NPHP1: variants seen among roughly 807,000 people sequenced by gnomAD.
The protein encoded by NPHP1 is nephrocystin-1.
A neutral mutation model predicts 90.4 loss-of-function variants in NPHP1; 70 were observed. The observed-to-expected ratio is 0.77, with a 90% CI of 0.64 to 0.95. NPHP1 has a LOEUF of 0.95. Among genes scored for constraint, NPHP1 ranks in the 40% least tolerant of loss-of-function variants. NPHP1 has a pLI of 0.00. For synonymous variants in NPHP1, 256 were observed against 271.7 expected (o/e 0.94, Z 0.57); for missense variants, 764 against 795.9 (o/e 0.96, Z 0.48).
intron 16 of NPHP1, among the ~76,000 whole-genome samples, chr2:110,137,968 A>G (rs538196350): frequency 6.6e-6 from 1 of 151,542 alleles, no homozygotes; most frequent in African/African-American, 2.4e-5. Flanking sequence ...AATGTGGCAC[A>G]TATACACCAT....
At position 110,190,365 on chromosome 2, in the gene NPHP1, G is replaced by A. The variant is rs376818694; in HGVS notation, c.144-10681C>T. Among the ~76,000 whole-genome samples the A allele has an allele frequency of 8.5e-4, 129 of 152,292 alleles. 1 individual carries two copies. In the East Asian group the frequency reaches 0.015, roughly 18 times the overall value. On this transcript the variant is annotated intron_variant, in intron 2 of 19. Transcript: ENST00000445609. ...TCAGGCATGGCGGGCTGAAGGTCCC[G>A]AGCCCTGCCCCGCGGGAAGGCAGCT...
intron 16 of NPHP1, among the ~76,000 whole-genome samples, chr2:110,135,763 A>G (rs1680136449): frequency 6.6e-6 from 1 of 152,164 alleles, no homozygotes; most frequent in South Asian, 2.1e-4. Flanking sequence ...ATCACCAAAG[A>G]TTTAAAAAGA....
chr2:110,176,664 A>T (rs1264859549), intron 4 of NPHP1, among the ~76,000 whole-genome samples: 1 of 152,084 alleles, frequency 6.6e-6, no homozygotes, highest in Non-Finnish European at 1.5e-5. Context: ...TTTAGAGAAG[A>T]CCTACCTCAG....
chr2:110,165,959 C>T (rs1057451795), intron 6 of NPHP1, among the ~76,000 whole-genome samples: 32 of 152,048 alleles, frequency 2.1e-4, no homozygotes, highest in Admixed American at 1.6e-3. Context: ...AAGTGCCATT[C>T]GCAAAGAAGA....
chr2:110,149,043 C>G (rs1344148023), intron 12 of NPHP1, among the ~76,000 whole-genome samples: 1 of 152,154 alleles, frequency 6.6e-6, no homozygotes, highest in Non-Finnish European at 1.5e-5. Flanking sequence ...GTGGTAGTTA[C>G]CAACAGTACT....
intron 2 of NPHP1, among the ~76,000 whole-genome samples, chr2:110,199,411 T>TA (rs59275167): frequency 0.048 from 6,566 of 137,326 alleles, 468 homozygotes; most frequent in African/African-American, 0.16. Context: ...GACTCCATCT[T>TA]AAAAAAAAAA....
chr2:110,123,782 C>A lies in NPHP1; in HGVS notation c.*9G>T. ...TCCGTGGGAAGCTGAGGGCTAGAGG[C>A]TGCCACTGTCACACTGCATTCTTTC... is the stretch of plus-strand genomic sequence containing the variant. On this transcript the variant is annotated 3_prime_UTR_variant, in exon 20 of 20. Transcript: ENST00000445609. 2 of 1,613,504 alleles carry A rather than the reference C, an allele frequency of 1.2e-6. No homozygotes were observed. Among genetic ancestry groups the A allele is most frequent in the Non-Finnish European group, 1.7e-6 (2 of 1,179,780 alleles).
intron 1 of NPHP1, chr2:110,202,350 T>C (rs765720818): frequency 8.6e-5 from 35 of 408,694 alleles, no homozygotes; most frequent in Non-Finnish European, 1.5e-4. Context: ...TCCATCTGAG[T>C]GTTATTTACA....
At chr2:110,155,921 G>T (rs553698119) in intron 11 of NPHP1, among the ~76,000 whole-genome samples, 3 of 152,192 alleles carry the variant, frequency 2.0e-5, no homozygotes, top group African/African-American at 7.2e-5. Flanking sequence ...TTGGAAATGT[G>T]AGGACATGAG....
At chr2:110,187,675 C>T (rs969343720) in intron 2 of NPHP1, among the ~76,000 whole-genome samples, 8 of 152,244 alleles carry the variant, frequency 5.3e-5, no homozygotes, top group Admixed American at 2.6e-4. Flanking sequence ...TTGTATCCAG[C>T]ATCCTCCCGA....
chr2:110,144,969 A>T (rs1356747358), intron 14 of NPHP1, among the ~76,000 whole-genome samples: 2 of 152,160 alleles, frequency 1.3e-5, no homozygotes, highest in Non-Finnish European at 2.9e-5. Flanking sequence ...TATTTTTAAA[A>T]TATAAAAGTA....
intron 2 of NPHP1, among the ~76,000 whole-genome samples, chr2:110,193,784 G>T (rs1056418790): frequency 6.6e-6 from 1 of 152,062 alleles, no homozygotes; most frequent in Non-Finnish European, 1.5e-5. Context: ...AAATGTAAAA[G>T]AACAGAAATT....
chr2:110,185,707 T>C (rs1354639620), intron 2 of NPHP1, among the ~76,000 whole-genome samples: 2 of 152,064 alleles, frequency 1.3e-5, no homozygotes, highest in Non-Finnish European at 2.9e-5. Flanking sequence ...TTTGTTGCCA[T>C]TTTGGTTTGG....
intron 16 of NPHP1, among the ~76,000 whole-genome samples, chr2:110,135,722 T>C (rs1328247462): frequency 2.0e-5 from 3 of 152,142 alleles, no homozygotes; most frequent in South Asian, 2.1e-4. Flanking sequence ...TTGTCTTCTA[T>C]CAAAAGGAAG....
At chr2:110,189,129 C>T (rs1423646069) in intron 2 of NPHP1, among the ~76,000 whole-genome samples, 2 of 152,110 alleles carry the variant, frequency 1.3e-5, no homozygotes, top group East Asian at 3.8e-4. Flanking sequence ...GCAATTGCAA[C>T]AAAAGCAAAA....
At chr2:110,156,025 G>A (rs375238445) in intron 11 of NPHP1, among the ~76,000 whole-genome samples, 9 of 151,872 alleles carry the variant, frequency 5.9e-5, no homozygotes, top group African/African-American at 1.7e-4. Flanking sequence ...CTCACATGTC[G>A]TGGGAGGAAA....
chr2:110,147,592 C>A (rs1168732727), intron 13 of NPHP1, among the ~76,000 whole-genome samples: 1 of 151,992 alleles, frequency 6.6e-6, no homozygotes, highest in African/African-American at 2.4e-5. Context: ...TACTCTGCCC[C>A]TGGAAGACAG....
Position 110,142,902 on chromosome 2 carries a change from G to C in NPHP1, c.1529+640C>G, listed in dbSNP as rs1459983368. 2.0e-5 allele frequency among the ~76,000 whole-genome samples: 3 copies of C among 152,090 alleles called. No individual in the cohort carries two copies. The East Asian group carries it at 5.8e-4, about 29-fold the overall frequency. ...AGTCTGTACTATTTAGAACAAAAAG[G>C]AACAAATTACTGGCACATGCAATGG... On this transcript the variant is annotated intron_variant, in intron 16 of 19. Coordinates refer to ENST00000445609, the MANE Select transcript of NPHP1 (RefSeq NM_001128178.3).
chr2:110,201,688 C>A (rs1485005144), intron 1 of NPHP1, among the ~76,000 whole-genome samples, 194 bp from the exon 2 acceptor site: 1 of 152,120 alleles, frequency 6.6e-6, no homozygotes, highest in Non-Finnish European at 1.5e-5. Flanking sequence ...TTTGATCTAT[C>A]CGTCAACCCA....
Sources: gnomAD v4.1 joint callset for allele counts (sites outside exome capture counted in the v4.1 genomes callset) on GRCh38, gnomAD v4.1.1 for gene constraint, MANE v1.5 for transcripts, NCBI Gene and HGNC (gene_info 2026-07-23, HGNC 2026-07-21) for gene names.